MYO5A: variants seen among roughly 807,000 people sequenced by gnomAD.
The protein encoded by MYO5A is myosin VA.
Under a neutral mutation model 249.7 loss-of-function variants are expected in MYO5A, and 98 were observed. The ratio of observed to expected loss-of-function variants is 0.39; its 90% CI spans 0.33 to 0.46. MYO5A has a LOEUF of 0.46. Ranked by LOEUF, MYO5A falls within the 20% of genes least tolerant of loss-of-function variation. The pLI is 0.98. For missense variants in MYO5A, 1,696 were observed against 2,308.8 expected (o/e 0.73, Z 5.44); for synonymous variants, 778 against 810.6 (o/e 0.96, Z 0.68).
chr15:52,513,722 C>T (rs911029055), intron 1 of MYO5A, among the ~76,000 whole-genome samples: 5 of 152,076 alleles, frequency 3.3e-5, no homozygotes, highest in South Asian at 2.1e-4. Context: ...TGAGCCACTG[C>T]GCCCGGCCAA....
At chr15:52,499,046 A>T (rs1392832227) in intron 1 of MYO5A, among the ~76,000 whole-genome samples, 1 of 152,208 alleles carries the variant, frequency 6.6e-6, no homozygotes, top group African/African-American at 2.4e-5. Flanking sequence ...TGTGGGGCAG[A>T]GCCAAGGCAA....
intron 1 of MYO5A, among the ~76,000 whole-genome samples, chr15:52,459,013 A>G (rs2076177209): frequency 6.6e-6 from 1 of 151,500 alleles, no homozygotes; most frequent in Non-Finnish European, 1.5e-5. Context: ...TTTGGGGGGC[A>G]GGGGGAGAAG....
intron 4 of MYO5A, among the ~76,000 whole-genome samples, chr15:52,417,333 CA>C (rs1176745468): frequency 6.6e-6 from 1 of 152,092 alleles, no homozygotes; most frequent in Non-Finnish European, 1.5e-5. Context: ...TTTAAATTTA[CA>C]AAGAAATTTA....
chr15:52,424,905 T>A (rs2075361261), intron 4 of MYO5A, among the ~76,000 whole-genome samples: 1 of 152,222 alleles, frequency 6.6e-6, no homozygotes, highest in Non-Finnish European at 1.5e-5. Flanking sequence ...ATAAGAGACA[T>A]TTTGCAGATG....
chr15:52,528,530 C>G (rs1444253691), intron 1 of MYO5A, among the ~76,000 whole-genome samples: 2 of 152,252 alleles, frequency 1.3e-5, no homozygotes, highest in Admixed American at 1.3e-4. Flanking sequence ...GCCCCCAGCT[C>G]GAGCAGCGCG....
chr15:52,404,683 G>A (rs932459917), intron 9 of MYO5A, among the ~76,000 whole-genome samples: 10 of 152,150 alleles, frequency 6.6e-5, no homozygotes, highest in African/African-American at 1.9e-4. Flanking sequence ...CTGCCTGTGA[G>A]ACGTGAGTAA....
intron 1 of MYO5A, among the ~76,000 whole-genome samples, chr15:52,501,005 T>A (rs938276561): frequency 2.6e-5 from 4 of 152,082 alleles, no homozygotes; most frequent in African/African-American, 9.6e-5. Flanking sequence ...AGTCTTGCTC[T>A]GTCGCCCAGG....
chr15:52,513,612 G>A lies in MYO5A; in HGVS notation c.27+15168C>T, dbSNP rs574379416. Among the ~76,000 whole-genome samples, 833 of 150,858 alleles carry A rather than the reference G, an allele frequency of 5.5e-3. 3 individuals are homozygous for A. The highest frequency in any genetic ancestry group is 9.1e-3 in the Non-Finnish European group (617 of 67,680). On this transcript the variant is annotated intron_variant, in intron 1 of 41. Transcript: ENST00000399233. ...GCTAATTTTTTTTTTTTAATTTTTAGTAGAGACAGGGTTTCAACATGCTGG... is the reference window on the plus strand; with the variant it reads ...GCTAATTTTTTTTTTTTAATTTTTAATAGAGACAGGGTTTCAACATGCTGG...
chr15:52,446,787 C>T (rs1279219063), intron 1 of MYO5A, among the ~76,000 whole-genome samples: 1 of 152,166 alleles, frequency 6.6e-6, no homozygotes, highest in Non-Finnish European at 1.5e-5. Context: ...TGTAGTCAAA[C>T]AGGATTATCT....
chr15:52,320,130 G>A (rs543572634), intron 38 of MYO5A, among the ~76,000 whole-genome samples: 1 of 152,158 alleles, frequency 6.6e-6, no homozygotes, highest in Non-Finnish European at 1.5e-5. Flanking sequence ...CAACAGCAGT[G>A]GGCCCTTGGG....
At chr15:52,399,924 T>C (rs1328788928) in intron 9 of MYO5A, among the ~76,000 whole-genome samples, 1 of 152,210 alleles carries the variant, frequency 6.6e-6, no homozygotes, top group African/African-American at 2.4e-5. Context: ...TTTTCTGTTT[T>C]TGCATAACTT....
intron 34 of MYO5A, among the ~76,000 whole-genome samples, chr15:52,333,903 T>G (rs1477181776): frequency 1.3e-5 from 2 of 152,206 alleles, no homozygotes; most frequent in Non-Finnish European, 2.9e-5. Flanking sequence ...TCACCTTGAT[T>G]CTCTTTATTT....
intron 16 of MYO5A, among the ~76,000 whole-genome samples, chr15:52,380,499 G>A (rs1388456464): frequency 6.6e-6 from 1 of 151,968 alleles, no homozygotes; most frequent in African/African-American, 2.4e-5. Context: ...TGGGCGCAGT[G>A]GCTCACGCCT....
chr15:52,356,525 T>C (rs1199199476), intron 25 of MYO5A, among the ~76,000 whole-genome samples: 1 of 152,042 alleles, frequency 6.6e-6, no homozygotes, highest in Admixed American at 6.5e-5. Flanking sequence ...GACAGGTGTG[T>C]CACCATTTGC....
chr15:52,506,970 G>T (rs950182033), intron 1 of MYO5A, among the ~76,000 whole-genome samples: 6 of 152,166 alleles, frequency 3.9e-5, no homozygotes, highest in Non-Finnish European at 7.3e-5. Context: ...CATACTTAAG[G>T]ATGGAAGAAA....
chr15:52,319,581 A>G (rs2038203445), intron 38 of MYO5A, among the ~76,000 whole-genome samples: 1 of 152,082 alleles, frequency 6.6e-6, no homozygotes, highest in Non-Finnish European at 1.5e-5. Context: ...AAATACAAAA[A>G]TTAGCCAGGC....
intron 1 of MYO5A, among the ~76,000 whole-genome samples, chr15:52,450,855 T>TTTTTTTTGTTTTTTG (rs2076005906): frequency 2.5e-4 from 36 of 144,450 alleles, no homozygotes; most frequent in African/African-American, 8.5e-4. Context: ...TTTTTTTTTT[T>TTTTTTTTGTTTTTTG]TTTTTTTTTT....
intron 1 of MYO5A, among the ~76,000 whole-genome samples, chr15:52,483,165 T>C (rs1327423321): frequency 6.6e-6 from 1 of 152,232 alleles, no homozygotes; most frequent in East Asian, 1.9e-4. Flanking sequence ...ATCTTTTCCA[T>C]ACTTGTTACA....
intron 38 of MYO5A, 109 bp from the exon 39 acceptor site, chr15:52,319,451 G>A: frequency 8.1e-7 from 1 of 1,236,136 alleles, no homozygotes. Flanking sequence ...AAATTAGCTG[G>A]GCACGGTGGC....
Sources: gnomAD v4.1 joint callset for allele counts (sites outside exome capture counted in the v4.1 genomes callset) on GRCh38, gnomAD v4.1.1 for gene constraint, MANE v1.5 for transcripts, NCBI Gene and HGNC (gene_info 2026-07-23, HGNC 2026-07-21) for gene names.